The following SLC49A3 variants were observed in gnomAD, a reference collection of about 807,000 sequenced individuals.
SLC49A3 encodes solute carrier family 49 member A3.
A neutral mutation model predicts 43.8 loss-of-function variants in SLC49A3; 50 were observed. That is an observed-to-expected ratio of 1.14 (90% CI 0.91 to 1.45). SLC49A3 has a LOEUF of 1.45. Among genes scored for constraint, SLC49A3 ranks in the 40% most tolerant of loss-of-function variants. SLC49A3 has a pLI of 0.00. For synonymous variants in SLC49A3, 413 were observed against 352.0 expected, an observed-to-expected ratio of 1.17 and a Z score of -1.94; for missense variants, 906 against 774.1, an observed-to-expected ratio of 1.17 and a Z score of -2.02.
chr4:682,447 G>C, intron 9 of SLC49A3, 71 bp from the exon 10 acceptor site: 1 of 1,292,028 alleles, frequency 7.7e-7, no homozygotes, highest in Non-Finnish European at 9.9e-7. Context: ...CCCAATGCTG[G>C]CCTATGGTGA....
downstream of SLC49A3, chr4:678,227 T>C (rs945220885): frequency 8.4e-5 from 125 of 1,494,632 alleles, 2 homozygotes; most frequent in East Asian, 4.2e-4. Flanking sequence ...TGGGCTGTGC[T>C]GTGTTGTGGG....
chr4:686,799 G>A (rs1741134036), intron 1 of SLC49A3, 109 bp from the exon 2 acceptor site: 3 of 1,395,194 alleles, frequency 2.2e-6, no homozygotes, highest in Non-Finnish European at 2.9e-6. Context: ...GTGAGGCCGA[G>A]GGGACACAGC....
In SLC49A3 at chr4:685,428, G is replaced by A. The variant is rs1172259584; in HGVS notation, c.585+407C>T. Among the ~76,000 whole-genome samples the A allele has an allele frequency of 2.0e-5, 3 of 151,950 alleles. No individual in the cohort carries two copies. The highest frequency in any genetic ancestry group is 4.8e-5 in the African/African-American group (2 of 41,416). On this transcript the variant is annotated intron_variant, in intron 4 of 9. Transcript: ENST00000322224. The surrounding 1 kb of genome is among the most constrained non-coding windows in gnomAD (Gnocchi z 4.3). ...GAAACATCACACACTGGCCGGGCGC[G>A]GTGGCTCACGCCTGTCATCCTAGCA... is the stretch of plus-strand genomic sequence containing the variant.
Position 683,681 on chromosome 4 carries a change from C to G in SLC49A3, c.921G>C (p.Arg307=). ...GALALGPYVD[R]TKHFTEATKI... is the part of the protein sequence containing the mutation. ...TGGTGGCCTCAGTGAAGTGCTTGGT[C>G]CGGTCCACATAGGGGCCGAGAGCCA... is the stretch of plus-strand genomic sequence containing the variant. The change falls in exon 7 of 10, where the codon CGG becomes CGC. Residue 307 remains arginine (R), a synonymous_variant. Transcript: ENST00000322224. 1 of 1,609,394 alleles carries G rather than the reference C, an allele frequency of 6.2e-7. No individual in the cohort carries two copies. The highest frequency in any genetic ancestry group is 8.5e-7 in the Non-Finnish European group (1 of 1,178,334).
At chr4:678,363 G>A (rs1360755236), downstream of SLC49A3, 1 of 1,413,770 alleles carries the variant, frequency 7.1e-7, no homozygotes, top group African/African-American at 1.4e-5. Flanking sequence ...CAAGCCTTCA[G>A]AGGCCAAGCT....
In SLC49A3 at chr4:687,021, G is replaced by C. The variant is rs185165271; in HGVS notation, c.136-331C>G. On this transcript the variant is annotated intron_variant, in intron 1 of 9. Coordinates refer to ENST00000322224, the MANE Select transcript of SLC49A3 (RefSeq NM_032219.4). ...AAGGCAGGGAAAGGTGGGCGTGACG[G>C]GGTCTCAGCTAGAACCTCTGGGACT... Among the ~76,000 whole-genome samples the C allele has an allele frequency of 1.1e-3, 162 of 152,324 alleles. 1 individual carries two copies. The Middle Eastern group carries it at 0.017, about 16-fold the overall frequency.
At chr4:681,068 G>A (rs1306816940), downstream of SLC49A3, 1 of 1,583,936 alleles carries the variant, frequency 6.3e-7, no homozygotes, top group Non-Finnish European at 8.6e-7. Flanking sequence ...ATCAGCCCGC[G>A]CTGACCCCTT....
At chr4:683,890 C>T in intron 6 of SLC49A3, 129 bp from the exon 7 acceptor site, 1 of 1,217,946 alleles carries the variant, frequency 8.2e-7, no homozygotes, top group Non-Finnish European at 1.1e-6. Context: ...ACACAGCTTC[C>T]AGACGCACCG....
chr4:680,926 C>G (rs1739410287), downstream of SLC49A3: 1 of 772,240 alleles, frequency 1.3e-6, no homozygotes, highest in East Asian at 2.7e-5. Flanking sequence ...AGTGATGGCC[C>G]CTGAGTGTGT....
In SLC49A3 at chr4:686,306, C is replaced by T. The variant is rs776198526; in HGVS notation, c.295-4G>A. On this transcript the variant is annotated splice_polypyrimidine_tract_variant and splice_region_variant and intron_variant, in intron 2 of 9. Transcript: ENST00000322224. ...TCAGCCACGCACCCAGGATGGTCTG[C>T]GAGGAGGGGGTCGGGGACCGGGTCA... 1.4e-5 allele frequency: 22 copies of T among 1,612,658 alleles called. No individual in the cohort carries two copies. The highest frequency in any genetic ancestry group is 9.3e-5 in the African/African-American group (7 of 74,906).
Position 682,047 on chromosome 4 carries a change from C to T in SLC49A3, c.1591G>A (p.Gly531Ser), listed in dbSNP as rs551419842. ...PAATDAPSRP[G>S]RLAGRVQASR... ...GCTTGGACCCTGCCTGCGAGTCTGC[C>T]GGGGCGGGAGGGCGCGTCGGTGGCT... The change falls in exon 10 of 10, where the codon GGC becomes AGC. Residue 531 changes from glycine to serine, a missense_variant. By Grantham distance (56) the Gly-to-Ser change is moderately conservative (BLOSUM62 0). Coordinates refer to ENST00000322224, the MANE Select transcript of SLC49A3 (RefSeq NM_032219.4). 2.1e-6 allele frequency: 3 copies of T among 1,419,520 alleles called. No individual in the cohort carries two copies. The highest frequency in any genetic ancestry group is 1.5e-5 in the South Asian group (1 of 65,544). The allele number at this position is 1,419,520 out of a possible 1,614,324, so 87.9% of individuals were successfully genotyped here. A position where few individuals can be genotyped will look rare whatever the true frequency, so the allele number is the denominator to read the frequency against.
At chr4:682,945 G>T in intron 8 of SLC49A3, 55 bp from the exon 9 acceptor site, 5 of 1,427,556 alleles carry the variant, frequency 3.5e-6, no homozygotes, top group Non-Finnish European at 4.7e-6. Flanking sequence ...TCGGAGCCAG[G>T]TGCCACCTTG....
chr4:679,604 G>GTCGC (rs1245428297), downstream of SLC49A3, among the ~76,000 whole-genome samples: 2 of 152,174 alleles, frequency 1.3e-5, no homozygotes, highest in African/African-American at 4.8e-5. Context: ...GGGTGGGAGG[G>GTCGC]TCGCAAGTGA....
Position 682,879 on chromosome 4 carries a change from C to T in SLC49A3, c.1163G>A (p.Gly388Glu), listed in dbSNP as rs999375492. Reference protein sequence around the residue: ...GMIFVLGQAEGILIMLAMTAL... With the variant: ...GMIFVLGQAEEILIMLAMTAL... ...CGTCATTGCCAGCATGATGAGTATTCCCTCGGCCTGCCTGGACACACGTGG... is the reference window on the plus strand; with the variant it reads ...CGTCATTGCCAGCATGATGAGTATTTCCTCGGCCTGCCTGGACACACGTGG... The change falls in exon 9 of 10, where the codon GGA becomes GAA. Residue 388 changes from glycine to glutamate, a missense_variant. Gly to Glu is a moderately conservative substitution (Grantham distance 98). Coordinates refer to ENST00000322224, the MANE Select transcript of SLC49A3 (RefSeq NM_032219.4). 6.3e-6 allele frequency: 10 copies of T among 1,593,876 alleles called. No individual in the cohort carries two copies. The South Asian group carries it at 8.9e-5, about 14-fold the overall frequency.
downstream of SLC49A3, chr4:681,172 GA>G (rs1227646855): frequency 1.3e-6 from 2 of 1,593,140 alleles, no homozygotes; most frequent in Admixed American, 3.5e-5. Context: ...CCAAGCCCAC[GA>G]GGGGAGGGCG....
Position 681,980 on chromosome 4 carries a change from GAGA to G in SLC49A3, c.1655_1657del (p.Phe552del), listed in dbSNP as rs1278145143. On this transcript the variant is annotated inframe_deletion, in exon 10 of 10. Transcript: ENST00000322224. ...CAGCTACGTGATCACCCACGGGGAG[GAGA>G]AGGAGGAGTGAGACCCAGCCGGGTC... The G allele has an allele frequency of 1.4e-6, 2 of 1,403,140 alleles. No homozygotes were observed. The highest frequency in any genetic ancestry group is 2.7e-5 in the Admixed American group (1 of 36,728). The allele number at this position is 1,403,140 out of a possible 1,614,324, so 86.9% of individuals were successfully genotyped here.
chr4:681,337 C>G (rs1413502914), downstream of SLC49A3, among the ~76,000 whole-genome samples: 1 of 152,106 alleles, frequency 6.6e-6, no homozygotes, highest in Non-Finnish European at 1.5e-5. Context: ...CGGTTGGAGA[C>G]CCCTCCCCTC....
chr4:679,816 C>T (rs1739262606), downstream of SLC49A3: 4 of 1,005,682 alleles, frequency 4.0e-6, no homozygotes, highest in Admixed American at 6.3e-5. Flanking sequence ...CCTCCCCACC[C>T]TTCCCATCTG....
intron 8 of SLC49A3, 126 bp from the exon 9 acceptor site, chr4:683,016 C>G (rs532440480): frequency 1.8e-6 from 2 of 1,111,014 alleles, no homozygotes; most frequent in South Asian, 3.1e-5. Flanking sequence ...AGCACGCAGC[C>G]TCGGTCATGG....
Sources: allele counts gnomAD v4.1 joint callset (sites outside exome capture counted in the v4.1 genomes callset), GRCh38; gene constraint gnomAD v4.1.1; non-coding constraint Gnocchi (gnomAD v3.1); transcripts MANE v1.5; gene names NCBI Gene and HGNC (gene_info 2026-07-23, HGNC 2026-07-21).